SND1: variants seen among roughly 807,000 people sequenced by gnomAD.
The protein encoded by SND1 is staphylococcal nuclease and tudor domain containing 1, also known as staphylococcal nuclease domain-containing protein 1.
Under a neutral mutation model 121.7 loss-of-function variants are expected in SND1, and 38 were observed. That is an observed-to-expected ratio of 0.31 (90% CI 0.24 to 0.41). The LOEUF (loss-of-function observed/expected upper bound fraction) is 0.41, where lower values mean the gene tolerates loss of function less well. SND1 is among the 10% of genes least tolerant of loss of function. The probability of loss-of-function intolerance (pLI) is 1.00; values close to 1 mark genes in which losing one functional copy is unlikely to be tolerated. For synonymous variants in SND1, 401 were observed against 447.4 expected, an observed-to-expected ratio of 0.90 and a Z score of 1.31; for missense variants, 868 against 1,184.6, an observed-to-expected ratio of 0.73 and a Z score of 3.92.
intron 14 of SND1, among the ~76,000 whole-genome samples, chr7:127,910,993 C>T (rs1800441219): frequency 6.6e-6 from 1 of 152,210 alleles, no homozygotes. Flanking sequence ...AGAACTTGCT[C>T]TCCAGAGCAG....
At chr7:128,016,938 T>C (rs541074420) in intron 16 of SND1, among the ~76,000 whole-genome samples, 29 of 152,392 alleles carry the variant, frequency 1.9e-4, no homozygotes, top group South Asian at 6.2e-4. Flanking sequence ...GGGTCAGCTA[T>C]AGGCATAGGC....
intron 13 of SND1, among the ~76,000 whole-genome samples, chr7:127,902,492 A>G (rs934925652): frequency 1.3e-5 from 2 of 152,190 alleles, no homozygotes; most frequent in Non-Finnish European, 2.9e-5. Flanking sequence ...GGTTATAGAA[A>G]TAGGACATGC....
At chr7:127,895,048 A>G (rs1800090867) in intron 13 of SND1, among the ~76,000 whole-genome samples, 1 of 151,744 alleles carries the variant, frequency 6.6e-6, no homozygotes, top group Non-Finnish European at 1.5e-5. Flanking sequence ...TGCTTGCCTT[A>G]CATCTTTTTT....
intron 16 of SND1, among the ~76,000 whole-genome samples, chr7:127,992,325 G>C (rs992437199): frequency 1.3e-5 from 2 of 152,208 alleles, no homozygotes; most frequent in Admixed American, 1.3e-4. Context: ...ATAACCCCGT[G>C]CAAGAGAAGT....
At chr7:128,013,895 A>G (rs1367744860) in intron 16 of SND1, among the ~76,000 whole-genome samples, 2 of 152,216 alleles carry the variant, frequency 1.3e-5, no homozygotes, top group Non-Finnish European at 2.9e-5. Flanking sequence ...GTAGCTGGTA[A>G]TGGCTAGAGA....
At chr7:128,050,462 G>A (rs573812670) in intron 16 of SND1, among the ~76,000 whole-genome samples, 5 of 152,298 alleles carry the variant, frequency 3.3e-5, no homozygotes, top group African/African-American at 1.2e-4. Flanking sequence ...CTTCACTGAC[G>A]TGAGCAGTTC....
At chr7:127,870,935 T>C (rs1042929715) in intron 12 of SND1, among the ~76,000 whole-genome samples, 3 of 152,182 alleles carry the variant, frequency 2.0e-5, no homozygotes, top group Non-Finnish European at 2.9e-5. Flanking sequence ...ATTGCACAGC[T>C]ACAAAAATAT....
intron 10 of SND1, among the ~76,000 whole-genome samples, chr7:127,762,061 T>C (rs1797314644): frequency 6.6e-6 from 1 of 152,170 alleles, no homozygotes; most frequent in African/African-American, 2.4e-5. Flanking sequence ...AGATCTAGAT[T>C]TTCTTCCTTG....
At chr7:127,793,497 GC>G (rs921555599) in intron 10 of SND1, among the ~76,000 whole-genome samples, 8 of 152,086 alleles carry the variant, frequency 5.3e-5, no homozygotes, top group African/African-American at 1.9e-4. Flanking sequence ...ATTTAGAGTG[GC>G]GCCAACCCTT....
At chr7:127,659,468 G>A (rs762350878) in intron 1 of SND1, among the ~76,000 whole-genome samples, 1 of 152,114 alleles carries the variant, frequency 6.6e-6, no homozygotes, top group Non-Finnish European at 1.5e-5. Context: ...ATATAAACTG[G>A]TTTGGCACAT....
At chr7:127,941,914 A>ATTTTTTC (rs1801218088) in intron 15 of SND1, among the ~76,000 whole-genome samples, 1 of 93,878 alleles carries the variant, frequency 1.1e-5, no homozygotes, top group African/African-American at 4.9e-5. Context: ...TTTTTTTTTA[A>ATTTTTTC]ATTTTCCAAG....
intron 10 of SND1, among the ~76,000 whole-genome samples, chr7:127,785,748 T>G (rs1797801401): frequency 6.6e-6 from 1 of 152,216 alleles, no homozygotes; most frequent in Non-Finnish European, 1.5e-5. Context: ...GCTACCAAAA[T>G]GGTATTTAAT....
At chr7:127,791,566 A>G (rs1262508628) in intron 10 of SND1, among the ~76,000 whole-genome samples, 2 of 152,190 alleles carry the variant, frequency 1.3e-5, no homozygotes, top group Admixed American at 6.5e-5. Context: ...AAACATATCT[A>G]TAGAACATTT....
intron 15 of SND1, among the ~76,000 whole-genome samples, chr7:127,938,649 A>G (rs1467297725): frequency 3.3e-5 from 5 of 152,200 alleles, no homozygotes. Flanking sequence ...TGGACATATT[A>G]ATCAATCATT....
chr7:127,858,204 G>T, intron 12 of SND1: 1 of 784,320 alleles, frequency 1.3e-6, no homozygotes. Flanking sequence ...ATGGCCAACT[G>T]TTCCCTCGTT....
chr7:127,783,880 G>C (rs975070148), intron 10 of SND1, among the ~76,000 whole-genome samples: 1 of 152,116 alleles, frequency 6.6e-6, no homozygotes, highest in Non-Finnish European at 1.5e-5. Flanking sequence ...TTAAGGTGGG[G>C]ACCTATACCA....
intron 4 of SND1, among the ~76,000 whole-genome samples, chr7:127,700,926 G>A (rs1796089154): frequency 6.6e-6 from 1 of 152,126 alleles, no homozygotes; most frequent in Admixed American, 6.5e-5. Flanking sequence ...GTGTTCTTTA[G>A]ATCGTCTCAT....
chr7:127,883,145 G>T (rs1183174912), intron 12 of SND1, among the ~76,000 whole-genome samples: 1 of 152,100 alleles, frequency 6.6e-6, no homozygotes, highest in Non-Finnish European at 1.5e-5. Context: ...AAAGATAGAC[G>T]AGCAGTTGAC....
chr7:127,703,659 C>T lies in SND1; in HGVS notation c.840+336C>T, dbSNP rs192321213. 5.1e-4 allele frequency among the ~76,000 whole-genome samples: 77 copies of T among 152,228 alleles called. 1 individual carries two copies. In the East Asian group the frequency reaches 0.013, roughly 26 times the overall value. On this transcript the variant is annotated intron_variant, in intron 7 of 23. Transcript: ENST00000354725. The stretch of plus-strand genomic sequence containing the variant: ...CCCGGGAGGCGGAGGTTGCAGTGAG[C>T]CGAGATTGCACCACTGCACTCCAGT...
Sources: gnomAD v4.1 joint callset for allele counts (sites outside exome capture counted in the v4.1 genomes callset) on GRCh38, gnomAD v4.1.1 for gene constraint, MANE v1.5 for transcripts, NCBI Gene and HGNC (gene_info 2026-07-23, HGNC 2026-07-21) for gene names.